The following CFAP54 variants were observed in gnomAD, a reference collection of about 807,000 sequenced individuals.
CFAP54 encodes the protein cilia and flagella associated protein 54, also known as cilia- and flagella-associated protein 54.
A neutral mutation model predicts 370.4 loss-of-function variants in CFAP54; 290 were observed. That is an observed-to-expected ratio of 0.78 (90% confidence interval 0.71 to 0.86). The LOEUF (loss-of-function observed/expected upper bound fraction) is 0.86. Ranked by LOEUF, CFAP54 falls within the 40% of genes least tolerant of loss-of-function variation. CFAP54 has a pLI of 0.00. For synonymous variants in CFAP54, 1,206 were observed against 1,236.5 expected (o/e 0.98, Z 0.52); for missense variants, 3,399 against 3,528.7 (o/e 0.96, Z 0.93).
chr12:96,571,453 T>C (rs1334113529), intron 19 of CFAP54, among the ~76,000 whole-genome samples: 6 of 152,182 alleles, frequency 3.9e-5, no homozygotes, highest in African/African-American at 1.4e-4. Flanking sequence ...TAAAGGCTTA[T>C]TTCTTTTTTC....
At chr12:96,769,072 C>T (rs1565971808) in intron 60 of CFAP54, among the ~76,000 whole-genome samples, 1 of 152,172 alleles carries the variant, frequency 6.6e-6, no homozygotes, top group Non-Finnish European at 1.5e-5. Context: ...GAACAGACAC[C>T]TTGAGATGTT....
chr12:96,830,607 A>T (rs1410029575), intron 66 of CFAP54, among the ~76,000 whole-genome samples: 6 of 152,164 alleles, frequency 3.9e-5, no homozygotes, highest in African/African-American at 1.4e-4. Flanking sequence ...TGTGGCACCA[A>T]CATTTCTCTC....
At position 96,875,449 on chromosome 12, in the gene CFAP54, C is replaced by T. The variant is rs914772107; in HGVS notation, c.*346C>T. ...TCTCCTCAGCTCGCTCTCATTTGTC[C>T]AGCTTATCTATTTCTTTATCAAGTT... On this transcript the variant is annotated 3_prime_UTR_variant, in exon 68 of 68. Transcript: ENST00000524981. The T allele has an allele frequency of 6.6e-6, 1 of 152,162 alleles. No homozygotes were observed. The highest frequency in any genetic ancestry group is 1.5e-5 in the Non-Finnish European group (1 of 68,036). 9.4% of individuals were successfully genotyped at this position (152,162 alleles called of 1,614,324 possible).
At chr12:96,826,315 A>G (rs913696751) in intron 65 of CFAP54, among the ~76,000 whole-genome samples, 2 of 142,828 alleles carry the variant, frequency 1.4e-5, no homozygotes, top group Non-Finnish European at 3.0e-5. Flanking sequence ...AAGACAATAT[A>G]TATATTGAAT....
Position 96,742,554 on chromosome 12 carries a change from T to G in CFAP54, c.7187T>G (p.Val2396Gly). ...CGCTTAGCATTGGTGACTGCATTTG[T>G]TGCACAGATTCATGGCATTGGAATT... The part of the protein sequence containing the change: ...RCRLALVTAF[V>G]AQIHGIGIVK... The change falls in exon 52 of 68, where the codon GTT becomes GGT. Residue 2396 changes from valine to glycine, a missense_variant. Physicochemically the swap from Val to Gly is moderately radical, Grantham distance 109. Around this residue, in one of 3 missense-constraint regions of CFAP54, gnomAD observed 2,796 missense variants for 2,869.7 expected, o/e 0.97. Transcript: ENST00000524981. 6 of 1,613,212 alleles carry G rather than the reference T, an allele frequency of 3.7e-6. No homozygotes were observed. The highest frequency in any genetic ancestry group is 5.1e-6 in the Non-Finnish European group (6 of 1,179,644).
intron 8 of CFAP54, among the ~76,000 whole-genome samples, chr12:96,522,428 G>A (rs1422586305): frequency 6.6e-6 from 1 of 152,234 alleles, no homozygotes; most frequent in Non-Finnish European, 1.5e-5. Flanking sequence ...ACAAGAGGCT[G>A]AAGAGGAGCC....
chr12:96,625,873 A>C, intron 29 of CFAP54, 66 bp downstream of exon 29: 1 of 1,250,702 alleles, frequency 8.0e-7, no homozygotes, highest in Non-Finnish European at 1.1e-6. Context: ...AATTCTGTGG[A>C]TTTTGTTTCT....
Position 96,720,468 on chromosome 12 carries a change from A to T in CFAP54, c.6868A>T (p.Thr2290Ser). Residue 2290 changes from threonine to serine, a missense_variant, in exon 50 of 68, where the codon ACC becomes TCC. Coordinates refer to ENST00000524981, the MANE Select transcript of CFAP54 (RefSeq NM_001306084.2). Reference sequence around the variant, plus strand: ...CCTTCTGTCCGAGGTGGAACAGAAGACCCTGTCTCAGTGCTCCGCTGGCGA... The same window carrying T: ...CCTTCTGTCCGAGGTGGAACAGAAGTCCCTGTCTCAGTGCTCCGCTGGCGA... ...NFLLSEVEQK[T>S]LSQCSAGELE... 6.2e-7 allele frequency: 1 copy of T among 1,604,560 alleles called. No individual in the cohort carries two copies. The highest frequency in any genetic ancestry group is 2.3e-5 in the East Asian group (1 of 44,118).
At chr12:96,494,950 A>G (rs975286074) in intron 1 of CFAP54, among the ~76,000 whole-genome samples, 3 of 151,898 alleles carry the variant, frequency 2.0e-5, no homozygotes, top group African/African-American at 7.3e-5. Flanking sequence ...TGGTCTCGAT[A>G]TCTTGACCTC....
At chr12:96,816,826 C>T (rs1277756480) in intron 64 of CFAP54, among the ~76,000 whole-genome samples, 9 of 152,204 alleles carry the variant, frequency 5.9e-5, no homozygotes, top group Non-Finnish European at 1.3e-4. Context: ...CACCTTCTGC[C>T]TCCACTCCCC....
intron 55 of CFAP54, among the ~76,000 whole-genome samples, chr12:96,745,931 A>T (rs1453505066): frequency 6.6e-6 from 1 of 152,182 alleles, no homozygotes; most frequent in African/African-American, 2.4e-5. Flanking sequence ...AGTATTTTCA[A>T]TCCCAGGTGG....
chr12:96,561,615 A>G (rs1056856404), intron 17 of CFAP54, among the ~76,000 whole-genome samples: 2 of 151,752 alleles, frequency 1.3e-5, no homozygotes, highest in African/African-American at 4.8e-5. Flanking sequence ...TTGCTAGGAA[A>G]TGGTATTTAG....
At chr12:96,553,570 T>TTATA (rs578030091) in intron 15 of CFAP54, among the ~76,000 whole-genome samples, 2 of 143,050 alleles carry the variant, frequency 1.4e-5, no homozygotes, top group African/African-American at 2.7e-5. Context: ...ATATATATAG[T>TTATA]TATATATATA....
rs1430192241 is a variant in CFAP54 at position 96,598,742 on chromosome 12, C to T, written c.3614C>T (p.Ala1205Val). ...ASFESIQHMI[A>V]CCIFYITKIL... Reference sequence around the variant, plus strand: ...TTTGAAAGTATACAACACATGATAGCTTGTTGTATTTTCTACATAACAAAG... The same window carrying T: ...TTTGAAAGTATACAACACATGATAGTTTGTTGTATTTTCTACATAACAAAG... The change falls in exon 26 of 68, where the codon GCT (alanine) becomes GTT (valine). Residue 1205 changes from alanine to valine, a missense_variant. This residue lies in a region of CFAP54 where 2,796 missense variants were observed against 2,869.7 expected (regional missense o/e 0.97). Transcript: ENST00000524981. The T allele has an allele frequency of 3.1e-6, 2 of 637,702 alleles. No individual in the cohort carries two copies. Among genetic ancestry groups the T allele is most frequent in the Non-Finnish European group, 5.7e-6 (2 of 350,152 alleles). 39.5% of individuals were successfully genotyped at this position (637,702 alleles called of 1,614,324 possible).
chr12:96,733,492 A>G (rs1465757089), intron 50 of CFAP54, among the ~76,000 whole-genome samples: 2 of 151,638 alleles, frequency 1.3e-5, no homozygotes, highest in African/African-American at 4.8e-5. Context: ...AAAGTTATTC[A>G]AATTGTATTT....
intron 20 of CFAP54, among the ~76,000 whole-genome samples, chr12:96,579,880 TA>T (rs1407219895): frequency 1.4e-4 from 22 of 151,738 alleles, no homozygotes; most frequent in Admixed American, 1.4e-3. Flanking sequence ...TGTTTTTATT[TA>T]AAATATAAAA....
rs1278788171 is a variant in CFAP54, at chr12:96,647,867, C to T, written c.4548-8C>T. 1.5e-5 allele frequency: 22 copies of T among 1,493,524 alleles called. No individual in the cohort carries two copies. Among genetic ancestry groups the T allele is most frequent in the East Asian group, 2.6e-5 (1 of 38,228 alleles). The allele number at this position is 1,493,524 out of a possible 1,614,324, so 92.5% of individuals were successfully genotyped here. On this transcript the variant is annotated splice_polypyrimidine_tract_variant and splice_region_variant and intron_variant, in intron 33 of 67. Coordinates refer to ENST00000524981, the MANE Select transcript of CFAP54 (RefSeq NM_001306084.2). The stretch of plus-strand genomic sequence containing the variant: ...TTGTTTTTTAATATGATTTTTCCCC[C>T]CTTGCAGTTTCCGATCATGTGATCC...
intron 55 of CFAP54, among the ~76,000 whole-genome samples, chr12:96,745,810 A>T (rs1958108482): frequency 6.6e-6 from 1 of 152,244 alleles, no homozygotes; most frequent in African/African-American, 2.4e-5. Flanking sequence ...AAATATAGGA[A>T]TTGTCAAAAG....
At chr12:96,870,271 A>G (rs1960123528) in intron 67 of CFAP54, among the ~76,000 whole-genome samples, 1 of 152,148 alleles carries the variant, frequency 6.6e-6, no homozygotes. Flanking sequence ...AAGAAAAAAA[A>G]AAAAGAAAAC....
Sources: allele counts gnomAD v4.1 joint callset (sites outside exome capture counted in the v4.1 genomes callset), GRCh38; gene constraint gnomAD v4.1.1; regional missense constraint gnomAD v4.1.1; transcripts MANE v1.5; gene names NCBI Gene and HGNC (gene_info 2026-07-23, HGNC 2026-07-21).